The following TMC6 variants were observed in gnomAD, a reference collection of about 807,000 sequenced individuals.
The protein encoded by TMC6 is transmembrane channel like 6.
A neutral mutation model predicts 95.4 loss-of-function variants in TMC6; 71 were observed. That is an observed-to-expected ratio of 0.74 (90% CI 0.61 to 0.91). The LOEUF is 0.91. Ranked by LOEUF, TMC6 falls within the 40% of genes least tolerant of loss-of-function variation. TMC6 has a pLI of 0.00. For synonymous variants in TMC6, 514 were observed against 483.1 expected (o/e 1.06, Z -0.84); for missense variants, 1,074 against 1,079.1 (o/e 1.00, Z 0.07).
Position 78,126,390 on chromosome 17 carries a change from AG to A in TMC6, c.182-25del, listed in dbSNP as rs770326206. The A allele has an allele frequency of 1.1e-4, 179 of 1,600,164 alleles. No individual in the cohort carries two copies. In the Middle Eastern group the frequency reaches 4.1e-3, roughly 37 times the overall value. The stretch of plus-strand genomic sequence containing the variant: ...TCCTACAAAGCAAGAAAGACTCACC[AG>A]GGGTCCTGGAGATGCCATTGGCCAC... On this transcript the variant is annotated intron_variant, in intron 3 of 19. Coordinates refer to ENST00000590602, the MANE Select transcript of TMC6 (RefSeq NM_001127198.5).
At chr17:78,115,031 C>CA (rs1216716963) in intron 18 of TMC6, among the ~76,000 whole-genome samples, 3 of 152,256 alleles carry the variant, frequency 2.0e-5, no homozygotes, top group Non-Finnish European at 4.4e-5. Flanking sequence ...AGCCATTCCC[C>CA]ACTTCCAATA....
chr17:78,125,156 A>T lies in TMC6; in HGVS notation c.536+2T>A. 1 of 1,559,536 alleles carries T rather than the reference A, an allele frequency of 6.4e-7. No homozygotes were observed. On this transcript the variant is annotated splice_donor_variant, in intron 6 of 19. Coordinates refer to ENST00000590602, the MANE Select transcript of TMC6 (RefSeq NM_001127198.5). LOFTEE classifies it high-confidence loss of function. ...GGCATGGTCAGGGTCGGGGCTGCTC[A>T]CCGCAGGCTGCGTTTCTCAGCCAGG...
Position 78,121,639 on chromosome 17 carries a change from G to A in TMC6, c.1300C>T (p.Leu434=), listed in dbSNP as rs781188015. The A allele has an allele frequency of 1.9e-6, 3 of 1,606,918 alleles. No homozygotes were observed. Among genetic ancestry groups the A allele is most frequent in the Non-Finnish European group, 2.5e-6 (3 of 1,178,370 alleles). Residue 434 remains leucine (L), a synonymous_variant, in exon 11 of 20, where the codon CTG becomes TTG. Coordinates refer to ENST00000590602, the MANE Select transcript of TMC6 (RefSeq NM_001127198.5). The surrounding 1 kb of genome is among the most constrained non-coding windows in gnomAD (Gnocchi z 5.6). ...VCGRLRQAAV[L]GLVWLLCLGT... ...AGACACAGCAGCCACACAAGCCCCA[G>A]CACAGCCGCCTGCCGCAGCCTCCCG...
At chr17:78,116,174 G>C (rs2074100312) in intron 18 of TMC6, among the ~76,000 whole-genome samples, 1 of 151,436 alleles carries the variant, frequency 6.6e-6, no homozygotes. Context: ...ACGGGGTTTT[G>C]CCATGATGGT....
At chr17:78,114,202 C>G (rs906353542) in intron 18 of TMC6, among the ~76,000 whole-genome samples, 2 of 152,168 alleles carry the variant, frequency 1.3e-5, no homozygotes. Flanking sequence ...CTAGAGGCCC[C>G]TGGCTCTCAG....
At position 78,126,571 on chromosome 17, in the gene TMC6, G is replaced by A. The variant is rs746048217; in HGVS notation, c.134C>T (p.Thr45Met). 2.0e-5 allele frequency: 33 copies of A among 1,613,634 alleles called. No homozygotes were observed. Among genetic ancestry groups the A allele is most frequent in the South Asian group, 3.3e-5 (3 of 91,090 alleles). ...CTGCAGCTCCAGCCCCTCCTGGGCC[G>A]TGCACTGGCTCTGCTCCTGGATGAG... Reference protein sequence around the residue: ...QQLIQEQSQCTAQEGLELQQR... With the variant: ...QQLIQEQSQCMAQEGLELQQR... The change falls in exon 3 of 20, where the codon ACG (threonine) becomes ATG (methionine). Residue 45 changes from threonine to methionine, a missense_variant. Coordinates refer to ENST00000590602, the MANE Select transcript of TMC6 (RefSeq NM_001127198.5).
chr17:78,130,410 G>A (rs537266433), upstream of TMC6, among the ~76,000 whole-genome samples: 3 of 152,200 alleles, frequency 2.0e-5, no homozygotes, highest in Non-Finnish European at 2.9e-5. Context: ...CTCAGGCCTC[G>A]AGGTCAAGTC....
chr17:78,127,589 C>A (rs1424062540), intron 1 of TMC6, among the ~76,000 whole-genome samples: 1 of 152,242 alleles, frequency 6.6e-6, no homozygotes, highest in Non-Finnish European at 1.5e-5. Context: ...GGAACCAGAG[C>A]AGCCTTGTCT....
chr17:78,113,284 A>G, intron 19 of TMC6, 73 bp from the exon 20 acceptor site: 1 of 1,477,604 alleles, frequency 6.8e-7, no homozygotes, highest in Non-Finnish European at 9.2e-7. Context: ...GGCGCAGCCA[A>G]GGCCCGGCGA....
chr17:78,118,510 T>C (rs375663191), intron 15 of TMC6, among the ~76,000 whole-genome samples: 18 of 151,628 alleles, frequency 1.2e-4, no homozygotes, highest in African/African-American at 4.1e-4. Flanking sequence ...GAGCCGAGAT[T>C]GCGCCACTGC....
At chr17:78,113,741 G>C (rs1372000537) in intron 18 of TMC6, 117 bp from the exon 19 acceptor site, 8 of 1,065,214 alleles carry the variant, frequency 7.5e-6, no homozygotes, top group Non-Finnish European at 1.1e-5. Flanking sequence ...ATCGCAAGCA[G>C]CAAAAACATA....
chr17:78,129,260 G>A (rs2074897503), upstream of TMC6, among the ~76,000 whole-genome samples: 1 of 152,142 alleles, frequency 6.6e-6, no homozygotes, highest in African/African-American at 2.4e-5. This position sits in a 1 kb window ranked among gnomAD's most constrained non-coding sequence, Gnocchi z 4.3. Context: ...TGTGTGCTGT[G>A]TGGAGAGGAG....
At chr17:78,129,114 GCGCCCC>G (rs72022987), upstream of TMC6, among the ~76,000 whole-genome samples, 19,230 of 97,332 alleles carry the variant, frequency 0.2, 1,340 homozygotes, top group South Asian at 0.25. This position sits in a 1 kb window ranked among gnomAD's most constrained non-coding sequence, Gnocchi z 4.3. Flanking sequence ...AGATTGGGCA[GCGCCCC>G]CCCCCCCGCC....
At chr17:78,131,675 G>A (rs1004200127), upstream of TMC6, 12 of 1,572,438 alleles carry the variant, frequency 7.6e-6, no homozygotes, top group African/African-American at 2.7e-5. Context: ...TGGAGCGGCT[G>A]CGCGGCTCTG....
At position 78,115,004 on chromosome 17, in the gene TMC6, C is replaced by G. The variant is rs1445967717; in HGVS notation, c.2278-1380G>C. On this transcript the variant is annotated intron_variant, in intron 18 of 19. Transcript: ENST00000590602. ...CCTGGCCCCTGGGGGCTCTGAAATGCCACCCAGTAGGGCAGGAGCCATTCC... is the reference window on the plus strand; with the variant it reads ...CCTGGCCCCTGGGGGCTCTGAAATGGCACCCAGTAGGGCAGGAGCCATTCC... Among the ~76,000 whole-genome samples, 7 of 152,368 alleles carry G rather than the reference C, an allele frequency of 4.6e-5. No homozygotes were observed. In the South Asian group the frequency reaches 1.0e-3, roughly 23 times the overall value.
In TMC6 at chr17:78,112,882, G is replaced by A. The variant is rs550648550; in HGVS notation, c.*266C>T. On this transcript the variant is annotated 3_prime_UTR_variant, in exon 20 of 20. Transcript: ENST00000590602. ...CCCAGGGCAGCGGGAAGCAGGCCCC[G>A]GGTGTGGTCACAGACACAGAGCCCC... is the stretch of plus-strand genomic sequence containing the variant. 1.9e-6 allele frequency: 1 copy of A among 518,424 alleles called. No individual in the cohort carries two copies. The allele number at this position is 518,424 out of a possible 1,614,324, so 32.1% of individuals were successfully genotyped here.
chr17:78,131,862 C>T, upstream of TMC6: 1 of 1,462,078 alleles, frequency 6.8e-7, no homozygotes, highest in East Asian at 2.6e-5. Context: ...AGGGGCGCCC[C>T]TGTCACCACC....
At chr17:78,130,692 G>A (rs1321087549), upstream of TMC6, 2 of 152,318 alleles carry the variant, frequency 1.3e-5, no homozygotes, top group Non-Finnish European at 2.9e-5. Context: ...TTAAAGCAGA[G>A]GAAACCATGG....
intron 5 of TMC6, 139 bp from the exon 6 acceptor site, chr17:78,125,402 C>A: frequency 1.2e-6 from 1 of 836,762 alleles, no homozygotes; most frequent in Non-Finnish European, 2.0e-6. Flanking sequence ...CTTCAGTCGC[C>A]AATCAGCCGT....
Sources: allele counts gnomAD v4.1 joint callset (sites outside exome capture counted in the v4.1 genomes callset), GRCh38; gene constraint gnomAD v4.1.1; non-coding constraint Gnocchi (gnomAD v3.1); transcripts MANE v1.5; gene names NCBI Gene and HGNC (gene_info 2026-07-23, HGNC 2026-07-21).